Variants in IQCJ observed in about 807,000 individuals in gnomAD.
IQCJ encodes the protein IQ motif containing J, also known as IQ domain-containing protein J.
In IQCJ, 9 loss-of-function variants were observed where a neutral mutation model predicts 11.0. The ratio of observed to expected loss-of-function variants is 0.82; its 90% CI spans 0.49 to 1.43. The LOEUF (loss-of-function observed/expected upper bound fraction) is 1.43. IQCJ is among the 40% of genes most tolerant of loss of function. IQCJ has a pLI of 0.00. For synonymous variants in IQCJ, 55 were observed against 51.3 expected (o/e 1.07, Z -0.31); for missense variants, 146 against 133.2 (o/e 1.10, Z -0.47).
intron 1 of IQCJ, among the ~76,000 whole-genome samples, chr3:159,116,614 GTATATATATATATATATATATATATA>G (rs57810703): frequency 3.7e-3 from 216 of 57,728 alleles, no homozygotes; most frequent in South Asian, 7.8e-3. Flanking sequence ...CTGCTCATAT[GTATATATATATATATATATATATATA>G]TATATATATA....
chr3:159,260,504 T>C (rs2621307), intron 3 of IQCJ, among the ~76,000 whole-genome samples: 99,367 of 151,784 alleles, frequency 0.65, 33,606 homozygotes, highest in Non-Finnish European at 0.76. Context: ...AGCAGCAGAA[T>C]TTGTTAGCTG....
rs1475663111 is a variant in IQCJ, at chr3:159,263,028, T to C, written c.*297T>C. 10 of 1,048,038 alleles carry C rather than the reference T, an allele frequency of 9.5e-6. No individual in the cohort carries two copies. Among genetic ancestry groups the C allele is most frequent in the East Asian group, 6.9e-5 (1 of 14,562 alleles). 64.9% of individuals were successfully genotyped at this position (1,048,038 alleles called of 1,614,324 possible). ...CTTTTATTGTGTGGTGCTAATATGA[T>C]AGAAGATAAGATTGGTTATAAGGAG... On this transcript the variant is annotated 3_prime_UTR_variant, in exon 4 of 4. Coordinates refer to ENST00000397832, the MANE Select transcript of IQCJ (RefSeq NM_001042706.3).
chr3:159,069,539 C>A, intron 1 of IQCJ, 98 bp downstream of exon 1: 1 of 1,479,326 alleles, frequency 6.8e-7, no homozygotes, highest in Non-Finnish European at 9.0e-7. Flanking sequence ...AACATGTATG[C>A]AAAAAATGTC....
intron 1 of IQCJ, among the ~76,000 whole-genome samples, chr3:159,135,365 C>A (rs948775073): frequency 7.9e-5 from 12 of 152,174 alleles, no homozygotes; most frequent in African/African-American, 1.7e-4. Context: ...GACTTTACCT[C>A]AGTTTGAAGC....
chr3:159,134,167 C>T (rs1051718647), intron 1 of IQCJ, among the ~76,000 whole-genome samples: 2 of 152,090 alleles, frequency 1.3e-5, no homozygotes, highest in African/African-American at 4.8e-5. Context: ...CCTGCAGCTC[C>T]ATGCCATGCT....
chr3:159,215,089 T>G (rs2108101969), intron 1 of IQCJ, among the ~76,000 whole-genome samples: 1 of 152,316 alleles, frequency 6.6e-6, no homozygotes, highest in South Asian at 2.1e-4. Context: ...AGTGTAAATT[T>G]TACACTACTT....
chr3:159,197,174 T>C (rs1724037010), intron 1 of IQCJ, among the ~76,000 whole-genome samples: 1 of 152,168 alleles, frequency 6.6e-6, no homozygotes, highest in South Asian at 2.1e-4. Flanking sequence ...AAGGCTTTTC[T>C]GAATGAGCAG....
intron 1 of IQCJ, among the ~76,000 whole-genome samples, chr3:159,180,052 AG>A (rs1723007187): frequency 6.6e-6 from 1 of 152,212 alleles, no homozygotes; most frequent in Admixed American, 6.5e-5. Flanking sequence ...ACTTGGTAGA[AG>A]GCGCTAGGGC....
chr3:159,235,623 T>C (rs148336579), intron 1 of IQCJ, among the ~76,000 whole-genome samples: 1 of 152,270 alleles, frequency 6.6e-6, no homozygotes, highest in African/African-American at 2.4e-5. Context: ...CTTCCAGAAG[T>C]ACCCTTCTAC....
chr3:159,118,025 A>T (rs1159507366), intron 1 of IQCJ, among the ~76,000 whole-genome samples: 3 of 152,336 alleles, frequency 2.0e-5, no homozygotes, highest in South Asian at 2.1e-4. Flanking sequence ...TAAAAATGGT[A>T]AAAAGTAATT....
chr3:159,194,152 C>T (rs1723846324), intron 1 of IQCJ, among the ~76,000 whole-genome samples: 1 of 152,186 alleles, frequency 6.6e-6, no homozygotes, highest in Admixed American at 6.5e-5. Context: ...GCCTCTTCTT[C>T]AATCAATGGG....
At chr3:159,119,295 T>A (rs1050251659) in intron 1 of IQCJ, among the ~76,000 whole-genome samples, 9 of 152,166 alleles carry the variant, frequency 5.9e-5, no homozygotes, top group Non-Finnish European at 1.3e-4. Context: ...AGATGACATT[T>A]TAGTTGGGTG....
chr3:159,225,552 A>G (rs964691711), intron 1 of IQCJ, among the ~76,000 whole-genome samples: 3 of 152,298 alleles, frequency 2.0e-5, no homozygotes, highest in Non-Finnish European at 4.4e-5. Context: ...ATAAAATTAA[A>G]ATATAGTTTG....
rs530660203 is a variant in IQCJ, at chr3:159,111,223, GA to G, written c.9+41787del. ...TCTAATCTTTTACCAGGAAATGGAT[GA>G]AAAACATTTGTTGTAGACAAAGAAG... On this transcript the variant is annotated intron_variant, in intron 1 of 3. Transcript: ENST00000397832. 6.1e-3 allele frequency among the ~76,000 whole-genome samples: 930 copies of G among 152,282 alleles called. 8 individuals carry two copies. Among genetic ancestry groups the G allele is most frequent in the Non-Finnish European group, 9.8e-3 (666 of 68,012 alleles).
intron 1 of IQCJ, among the ~76,000 whole-genome samples, chr3:159,228,788 G>A (rs938662993): frequency 7.8e-6 from 1 of 128,644 alleles, no homozygotes; most frequent in Non-Finnish European, 1.6e-5. Flanking sequence ...GGGCGACAGA[G>A]CGAGACTCCG....
At chr3:159,102,620 A>G (rs2108102448) in intron 1 of IQCJ, among the ~76,000 whole-genome samples, 1 of 152,176 alleles carries the variant, frequency 6.6e-6, no homozygotes, top group East Asian at 1.9e-4. Context: ...TTTCTAATAC[A>G]TTACTGTTTA....
intron 1 of IQCJ, among the ~76,000 whole-genome samples, chr3:159,194,999 T>C (rs997596385): frequency 6.6e-6 from 1 of 151,930 alleles, no homozygotes; most frequent in Non-Finnish European, 1.5e-5. Context: ...TAATCCCAGC[T>C]ACCCAGAAGG....
intron 1 of IQCJ, among the ~76,000 whole-genome samples, chr3:159,225,408 A>G (rs1725798515): frequency 6.6e-6 from 1 of 152,176 alleles, no homozygotes; most frequent in Non-Finnish European, 1.5e-5. Context: ...TATGGCTGTA[A>G]GGGGGGAGCA....
intron 1 of IQCJ, among the ~76,000 whole-genome samples, chr3:159,233,116 C>A: frequency 6.6e-6 from 1 of 151,928 alleles, no homozygotes; most frequent in Non-Finnish European, 1.5e-5. Flanking sequence ...TTTTTTTGAA[C>A]CCACATCTGG....
Sources: allele counts gnomAD v4.1 joint callset (sites outside exome capture counted in the v4.1 genomes callset), GRCh38; gene constraint gnomAD v4.1.1; transcripts MANE v1.5; gene names NCBI Gene and HGNC (gene_info 2026-07-23, HGNC 2026-07-21).